Variants in NIBAN1 observed in about 807,000 individuals in gnomAD.
NIBAN1 encodes niban apoptosis regulator 1.
Under a neutral mutation model 75.1 loss-of-function variants are expected in NIBAN1, and 81 were observed. The observed-to-expected ratio is 1.08, with a 90% CI of 0.90 to 1.30. NIBAN1 has a LOEUF of 1.30. Ranked by LOEUF, NIBAN1 falls within the 50% of genes most tolerant of loss-of-function variation. The probability of loss-of-function intolerance (pLI) is 0.00; values close to 1 mark genes in which losing one functional copy is unlikely to be tolerated. For synonymous variants in NIBAN1, 436 were observed against 424.8 expected (o/e 1.03, Z -0.32); for missense variants, 1,133 against 1,128.1 (o/e 1.00, Z -0.06).
intron 12 of NIBAN1, among the ~76,000 whole-genome samples, chr1:184,798,777 A>C (rs1049041419): frequency 2.0e-5 from 3 of 151,554 alleles, no homozygotes; most frequent in Non-Finnish European, 4.4e-5. Context: ...TCCAGTCTGC[A>C]CCTCCCAAGA....
At chr1:184,954,324 G>A (rs1658431015) in intron 1 of NIBAN1, among the ~76,000 whole-genome samples, 1 of 152,192 alleles carries the variant, frequency 6.6e-6, no homozygotes, top group African/African-American at 2.4e-5. Context: ...TATCCACGGT[G>A]CCACCTCCTG....
intron 1 of NIBAN1, among the ~76,000 whole-genome samples, chr1:184,913,137 G>T (rs1571568677): frequency 9.1e-6 from 1 of 109,750 alleles, no homozygotes; most frequent in Admixed American, 9.5e-5. Context: ...TATCATGCAG[G>T]TATATATATA....
At chr1:184,944,521 G>A (rs1457952708) in intron 1 of NIBAN1, among the ~76,000 whole-genome samples, 4 of 152,254 alleles carry the variant, frequency 2.6e-5, no homozygotes, top group African/African-American at 9.6e-5. Context: ...GATATTTTCT[G>A]TTTGATGCCT....
At chr1:184,972,312 G>T (rs1286499469) in intron 1 of NIBAN1, among the ~76,000 whole-genome samples, 5 of 152,088 alleles carry the variant, frequency 3.3e-5, no homozygotes, top group Admixed American at 6.5e-5. Flanking sequence ...ATATTTATAG[G>T]CTAAAAAATG....
intron 1 of NIBAN1, among the ~76,000 whole-genome samples, chr1:184,965,161 T>C (rs1430612655): frequency 6.6e-6 from 1 of 151,904 alleles, no homozygotes; most frequent in Non-Finnish European, 1.5e-5. Flanking sequence ...TAGCCAGGTG[T>C]GGTGGTGGGC....
chr1:184,941,595 A>G (rs1359594086), intron 1 of NIBAN1, among the ~76,000 whole-genome samples: 3 of 150,942 alleles, frequency 2.0e-5, no homozygotes, highest in Admixed American at 6.6e-5. Context: ...GGCTGCAGTT[A>G]GCTAAGATCG....
chr1:184,896,761 G>C (rs1487521497), intron 2 of NIBAN1, among the ~76,000 whole-genome samples: 2 of 152,130 alleles, frequency 1.3e-5, no homozygotes, highest in Non-Finnish European at 2.9e-5. Flanking sequence ...TTCTGCATAT[G>C]ACTAGCCAGT....
intron 11 of NIBAN1, among the ~76,000 whole-genome samples, chr1:184,804,154 G>A (rs1654124375): frequency 6.6e-6 from 1 of 152,210 alleles, no homozygotes; most frequent in Non-Finnish European, 1.5e-5. Flanking sequence ...AAGAAGTTCA[G>A]TATCCAGAAC....
chr1:184,811,342 T>A (rs55710473), intron 9 of NIBAN1, among the ~76,000 whole-genome samples: 11,808 of 152,116 alleles, frequency 0.078, 569 homozygotes, highest in African/African-American at 0.13. Context: ...ATATTTTAGG[T>A]TAAAATGGGC....
intron 1 of NIBAN1, among the ~76,000 whole-genome samples, chr1:184,913,878 C>G (rs1273353457): frequency 2.6e-5 from 4 of 152,172 alleles, no homozygotes; most frequent in Non-Finnish European, 5.9e-5. Flanking sequence ...GGATTGCAGC[C>G]ATGGATGCAA....
In NIBAN1 at chr1:184,796,043, G is replaced by A; in HGVS notation, c.1721C>T (p.Ala574Val). ...GCTGGACACACTTTCACTGGGCAAG[G>A]CCATGTTATCTTCAAATAAGTTGTG... The part of the protein sequence containing the change: ...KKHNLFEDNM[A>V]LPSESVSSLT... Residue 574 changes from alanine to valine, a missense_variant, in exon 14 of 14, where the codon GCC (alanine) becomes GTC (valine). Coordinates refer to ENST00000367511, the MANE Select transcript of NIBAN1 (RefSeq NM_052966.4). 2.5e-6 allele frequency: 4 copies of A among 1,591,334 alleles called. No individual in the cohort carries two copies. The highest frequency in any genetic ancestry group is 1.7e-6 in the Non-Finnish European group (2 of 1,171,198).
intron 12 of NIBAN1, among the ~76,000 whole-genome samples, chr1:184,800,750 G>A (rs1654016418): frequency 6.6e-6 from 1 of 152,180 alleles, no homozygotes; most frequent in Non-Finnish European, 1.5e-5. Context: ...TTGTACATAT[G>A]TTTTTGTGGA....
At chr1:184,920,958 C>T (rs552295061) in intron 1 of NIBAN1, among the ~76,000 whole-genome samples, 7 of 152,098 alleles carry the variant, frequency 4.6e-5, no homozygotes, top group Non-Finnish European at 8.8e-5. Context: ...GGTGAAACCC[C>T]GTCTCTACTA....
chr1:184,821,768 C>T (rs1436256691), intron 8 of NIBAN1, among the ~76,000 whole-genome samples: 2 of 152,090 alleles, frequency 1.3e-5, no homozygotes, highest in East Asian at 3.9e-4. Context: ...ATTAGTTGTA[C>T]TAATGGAGGA....
At chr1:184,882,342 T>C (rs1656398973) in intron 5 of NIBAN1, among the ~76,000 whole-genome samples, 1 of 152,182 alleles carries the variant, frequency 6.6e-6, no homozygotes, top group Non-Finnish European at 1.5e-5. Flanking sequence ...AGATGAGTGG[T>C]ACATCATGCT....
chr1:184,920,037 G>C (rs191760240), intron 1 of NIBAN1, among the ~76,000 whole-genome samples: 7 of 152,124 alleles, frequency 4.6e-5, no homozygotes, highest in Admixed American at 4.6e-4. Flanking sequence ...CCAAAGTCAG[G>C]GAAATGAATG....
At chr1:184,826,012 C>T (rs1654832088) in intron 6 of NIBAN1, among the ~76,000 whole-genome samples, 3 of 152,206 alleles carry the variant, frequency 2.0e-5, no homozygotes, top group African/African-American at 7.2e-5. Context: ...TGCCCGTGAG[C>T]TCATTTGATC....
intron 1 of NIBAN1, among the ~76,000 whole-genome samples, chr1:184,972,284 T>C (rs1463411548): frequency 2.0e-5 from 3 of 152,206 alleles, no homozygotes; most frequent in Non-Finnish European, 1.5e-5. Context: ...TTGCTTACAA[T>C]TGAATCAAAG....
At chr1:184,974,162 C>T (rs911921763) in intron 1 of NIBAN1, 140 bp downstream of exon 1, 5 of 895,868 alleles carry the variant, frequency 5.6e-6, no homozygotes, top group Non-Finnish European at 6.0e-6. Flanking sequence ...AAACCCGACT[C>T]GCGCGGGCGG....
Sources: gnomAD v4.1 joint callset for allele counts (sites outside exome capture counted in the v4.1 genomes callset) on GRCh38, gnomAD v4.1.1 for gene constraint, MANE v1.5 for transcripts, NCBI Gene and HGNC (gene_info 2026-07-23, HGNC 2026-07-21) for gene names.